Variants in ST6GALNAC5 observed in about 807,000 individuals in gnomAD.
ST6GALNAC5 encodes ST6 N-acetylgalactosaminide alpha-2,6-sialyltransferase 5.
A neutral mutation model predicts 33.6 loss-of-function variants in ST6GALNAC5; 27 were observed. The ratio of observed to expected loss-of-function variants is 0.80; its 90% confidence interval spans 0.59 to 1.11. The LOEUF (loss-of-function observed/expected upper bound fraction) is 1.11, where lower values mean the gene tolerates loss of function less well. ST6GALNAC5 is among the 50% of genes least tolerant of loss of function. The pLI, the probability that ST6GALNAC5 is intolerant of heterozygous loss-of-function variation, is 0.00. For synonymous variants in ST6GALNAC5, 194 were observed against 171.2 expected (o/e 1.13, Z -1.04); for missense variants, 428 against 454.0 (o/e 0.94, Z 0.52).
At chr1:76,944,127 C>T (rs1647429368) in intron 2 of ST6GALNAC5, among the ~76,000 whole-genome samples, 1 of 152,058 alleles carries the variant, frequency 6.6e-6, no homozygotes, top group Non-Finnish European at 1.5e-5. Context: ...CATTCTGGTA[C>T]ATGCAAACAT....
chr1:77,006,502 T>C (rs1331034265), intron 2 of ST6GALNAC5, among the ~76,000 whole-genome samples: 1 of 151,870 alleles, frequency 6.6e-6, no homozygotes, highest in Non-Finnish European at 1.5e-5. Context: ...TTTTATTTTT[T>C]AGTAGAGACA....
chr1:77,031,689 A>G (rs930424456), intron 2 of ST6GALNAC5, among the ~76,000 whole-genome samples: 1 of 152,222 alleles, frequency 6.6e-6, no homozygotes, highest in Non-Finnish European at 1.5e-5. Flanking sequence ...ATAGAATGGA[A>G]ACCCAAACAG....
intron 2 of ST6GALNAC5, among the ~76,000 whole-genome samples, chr1:76,989,960 T>C (rs1255446007): frequency 6.6e-6 from 1 of 152,202 alleles, no homozygotes; most frequent in Admixed American, 6.5e-5. Context: ...GAGATCTGTC[T>C]TTAGCCTTTC....
intron 2 of ST6GALNAC5, among the ~76,000 whole-genome samples, chr1:76,972,827 C>T (rs1648818424): frequency 6.6e-6 from 1 of 152,194 alleles, no homozygotes; most frequent in Non-Finnish European, 1.5e-5. Flanking sequence ...TCCTCACCCA[C>T]AGTGCCTAAT....
chr1:77,028,660 G>A (rs552167265), intron 2 of ST6GALNAC5, among the ~76,000 whole-genome samples: 1 of 152,362 alleles, frequency 6.6e-6, no homozygotes, highest in Admixed American at 6.5e-5. Context: ...ACTGCAGTGA[G>A]TAGTGGGGTT....
chr1:76,921,575 C>G (rs1023177440), intron 2 of ST6GALNAC5, among the ~76,000 whole-genome samples: 1 of 152,122 alleles, frequency 6.6e-6, no homozygotes, highest in Non-Finnish European at 1.5e-5. Flanking sequence ...CTGTGAGCAG[C>G]TTTACATTCA....
chr1:76,960,126 C>T (rs139027403), intron 2 of ST6GALNAC5, among the ~76,000 whole-genome samples: 2,390 of 152,136 alleles, frequency 0.016, 57 homozygotes, highest in African/African-American at 0.055. Context: ...AGCCAGATAT[C>T]GGGTGAAATT....
intron 2 of ST6GALNAC5, among the ~76,000 whole-genome samples, chr1:76,900,824 C>T (rs976322674): frequency 2.0e-5 from 3 of 152,076 alleles, no homozygotes; most frequent in African/African-American, 4.8e-5. Flanking sequence ...CTAGTGAATG[C>T]TTTTTCATAG....
chr1:76,904,824 A>G (rs1285030598), intron 2 of ST6GALNAC5, among the ~76,000 whole-genome samples: 1 of 150,258 alleles, frequency 6.7e-6, no homozygotes. Context: ...GACTGTCTCA[A>G]AAAAAAAAAG....
intron 2 of ST6GALNAC5, among the ~76,000 whole-genome samples, chr1:76,993,311 T>C (rs776390246): frequency 1.3e-5 from 2 of 152,222 alleles, no homozygotes; most frequent in African/African-American, 2.4e-5. Context: ...GGCTGTATTG[T>C]AGTTTTCTTT....
intron 2 of ST6GALNAC5, among the ~76,000 whole-genome samples, chr1:76,956,284 A>G (rs1160566357): frequency 6.6e-6 from 1 of 152,130 alleles, no homozygotes; most frequent in Non-Finnish European, 1.5e-5. Flanking sequence ...CCAGAAAAAA[A>G]AAAAGAAAAG....
chr1:77,021,570 G>A (rs1365811898), intron 2 of ST6GALNAC5, among the ~76,000 whole-genome samples: 1 of 152,110 alleles, frequency 6.6e-6, no homozygotes, highest in African/African-American at 2.4e-5. Flanking sequence ...AATTGTGTGA[G>A]AACCTGCATT....
At chr1:76,942,539 G>C (rs1240837200) in intron 2 of ST6GALNAC5, among the ~76,000 whole-genome samples, 1 of 152,082 alleles carries the variant, frequency 6.6e-6, no homozygotes. Context: ...ACTGTGTCTG[G>C]AATGAAGTGA....
intron 2 of ST6GALNAC5, among the ~76,000 whole-genome samples, chr1:77,022,583 G>A (rs1230504896): frequency 6.6e-6 from 1 of 152,118 alleles, no homozygotes; most frequent in Non-Finnish European, 1.5e-5. Flanking sequence ...AGGATGCTGT[G>A]GTCTCTTATA....
chr1:77,062,888 G>A (rs1235107287), intron 4 of ST6GALNAC5, 87 bp from the exon 5 acceptor site: 2 of 895,908 alleles, frequency 2.2e-6, no homozygotes, highest in African/African-American at 3.3e-5. Flanking sequence ...ATTTTTATCA[G>A]CTTATTAAAG....
chr1:76,991,134 G>T (rs181366712), intron 2 of ST6GALNAC5, among the ~76,000 whole-genome samples: 1 of 152,056 alleles, frequency 6.6e-6, no homozygotes, highest in Non-Finnish European at 1.5e-5. Context: ...CTCCTATGAT[G>T]GGGGGAAGAC....
intron 2 of ST6GALNAC5, among the ~76,000 whole-genome samples, chr1:76,989,939 A>G (rs1649659204): frequency 6.6e-6 from 1 of 152,166 alleles, no homozygotes; most frequent in African/African-American, 2.4e-5. Flanking sequence ...GTCTCCTACA[A>G]CTGAGGTCTT....
chr1:76,943,981 G>A (rs1057069261), intron 2 of ST6GALNAC5, among the ~76,000 whole-genome samples: 5 of 152,032 alleles, frequency 3.3e-5, no homozygotes, highest in Non-Finnish European at 7.4e-5. Context: ...GTGCACATAG[G>A]GTTCCCAGCA....
At chr1:76,880,192 C>T (rs1240145782) in intron 2 of ST6GALNAC5, among the ~76,000 whole-genome samples, 1 of 152,166 alleles carries the variant, frequency 6.6e-6, no homozygotes, top group East Asian at 1.9e-4. Flanking sequence ...AAACTCCTTG[C>T]CTCTTAGGAG....
Sources: allele counts gnomAD v4.1 joint callset (sites outside exome capture counted in the v4.1 genomes callset), GRCh38; gene constraint gnomAD v4.1.1; transcripts MANE v1.5; gene names NCBI Gene and HGNC (gene_info 2026-07-23, HGNC 2026-07-21).